Variants in SUGCT observed in about 807,000 individuals in gnomAD.
SUGCT encodes succinyl-CoA:glutarate CoA-transferase.
In SUGCT, 41 loss-of-function variants were observed where a neutral mutation model predicts 55.0. The observed-to-expected ratio is 0.74, with a 90% confidence interval of 0.58 to 0.97. The LOEUF (loss-of-function observed/expected upper bound fraction) is 0.97. SUGCT is among the 50% of genes least tolerant of loss of function. The pLI, the probability that SUGCT is intolerant of heterozygous loss-of-function variation, is 0.00. For missense variants in SUGCT, 568 were observed against 547.8 expected, an observed-to-expected ratio of 1.04 and a Z score of -0.37; for synonymous variants, 187 against 200.4, an observed-to-expected ratio of 0.93 and a Z score of 0.56.
At chr7:40,391,193 G>C (rs77024938) in intron 9 of SUGCT, among the ~76,000 whole-genome samples, 19,708 of 151,880 alleles carry the variant, frequency 0.13, 1,638 homozygotes, top group East Asian at 0.48. Context: ...AGAAGAAAAC[G>C]TAGGCAATAC....
At chr7:40,435,735 G>A (rs1247196083) in intron 9 of SUGCT, among the ~76,000 whole-genome samples, 1 of 151,994 alleles carries the variant, frequency 6.6e-6, no homozygotes, top group Admixed American at 6.6e-5. Context: ...GTCCCTCCAC[G>A]CTTTGCCTTG....
At chr7:40,241,536 A>G (rs1209478176) in intron 7 of SUGCT, among the ~76,000 whole-genome samples, 1 of 151,084 alleles carries the variant, frequency 6.6e-6, no homozygotes, top group Non-Finnish European at 1.5e-5. Context: ...CCAAGATTGC[A>G]CCACTGCCCT....
At chr7:40,270,293 T>C (rs1791923152) in intron 7 of SUGCT, among the ~76,000 whole-genome samples, 1 of 152,172 alleles carries the variant, frequency 6.6e-6, no homozygotes, top group African/African-American at 2.4e-5. Flanking sequence ...TTATTTTTTC[T>C]TTTGTTGCTA....
At chr7:40,243,351 G>A (rs549839288) in intron 7 of SUGCT, among the ~76,000 whole-genome samples, 3 of 151,950 alleles carry the variant, frequency 2.0e-5, no homozygotes, top group Admixed American at 6.6e-5. Context: ...GTTGTATTAG[G>A]TACCATAATA....
At chr7:40,212,466 A>G (rs1383109354) in intron 6 of SUGCT, among the ~76,000 whole-genome samples, 2 of 152,104 alleles carry the variant, frequency 1.3e-5, no homozygotes, top group Non-Finnish European at 2.9e-5. Context: ...GTATGGCCAC[A>G]TTATATATAA....
At chr7:40,150,565 G>A (rs569478111) in intron 1 of SUGCT, among the ~76,000 whole-genome samples, 7 of 152,170 alleles carry the variant, frequency 4.6e-5, no homozygotes, top group South Asian at 2.1e-4. Flanking sequence ...CCAGCTACTC[G>A]GGAGGCTGAG....
chr7:40,171,994 C>A (rs1410138276), intron 1 of SUGCT, among the ~76,000 whole-genome samples: 1 of 152,094 alleles, frequency 6.6e-6, no homozygotes, highest in Admixed American at 6.6e-5. Flanking sequence ...CTCTCTCTTT[C>A]CCTTTTCTCT....
chr7:40,228,442 AT>A (rs1788517734), intron 6 of SUGCT, among the ~76,000 whole-genome samples: 1 of 151,842 alleles, frequency 6.6e-6, no homozygotes, highest in Admixed American at 6.6e-5. Context: ...AATTCCTGTG[AT>A]GTTAATTTTT....
At chr7:40,923,363 C>A in the SUGCT span, among the ~76,000 whole-genome samples, 957 of 152,198 alleles carry the variant, frequency 6.3e-3, 11 homozygotes, top group African/African-American at 0.022. Flanking sequence ...AAAACAAGGG[C>A]ATTTAGCAGT....
chr7:40,614,913 G>A (rs955210621), intron 12 of SUGCT, among the ~76,000 whole-genome samples: 8 of 151,882 alleles, frequency 5.3e-5, no homozygotes, highest in South Asian at 2.1e-4. Context: ...AAAAATAGCC[G>A]GGCATGGTAG....
intron 9 of SUGCT, among the ~76,000 whole-genome samples, chr7:40,384,304 A>G (rs1350293790): frequency 1.3e-5 from 2 of 152,224 alleles, no homozygotes; most frequent in South Asian, 2.1e-4. Context: ...GGGAGTAAGT[A>G]TGATGCTCAA....
intron 9 of SUGCT, among the ~76,000 whole-genome samples, chr7:40,392,161 A>C (rs4609099): frequency 0.96 from 145,518 of 152,178 alleles, 69,908 homozygotes; most frequent in East Asian, 1. Flanking sequence ...GGAGGGATAG[A>C]ATTAGGAGAT....
the SUGCT span, among the ~76,000 whole-genome samples, chr7:40,995,382 GTTATTATTA>G: frequency 3.4e-5 from 5 of 145,582 alleles, no homozygotes; most frequent in African/African-American, 1.3e-4. Flanking sequence ...TATAATAGCT[GTTATTATTA>G]TTATTATTAT....
chr7:41,018,152 A>G, the SUGCT span, among the ~76,000 whole-genome samples: 1 of 152,036 alleles, frequency 6.6e-6, no homozygotes, highest in Admixed American at 6.6e-5. Context: ...GGGGACAGAC[A>G]GACACAGTCT....
chr7:40,640,990 T>A (rs1400998711), intron 12 of SUGCT, among the ~76,000 whole-genome samples: 2 of 152,184 alleles, frequency 1.3e-5, no homozygotes, highest in Non-Finnish European at 2.9e-5. Flanking sequence ...TATTGGAGAC[T>A]TTTTTGCATC....
intron 12 of SUGCT, among the ~76,000 whole-genome samples, chr7:40,660,816 TA>T (rs1801266682): frequency 6.6e-6 from 1 of 152,200 alleles, no homozygotes; most frequent in South Asian, 2.1e-4. Context: ...ACTCTCCCAC[TA>T]ATCTACAGCT....
intron 9 of SUGCT, among the ~76,000 whole-genome samples, chr7:40,445,712 C>T (rs1788794159): frequency 6.6e-6 from 1 of 152,128 alleles, no homozygotes; most frequent in South Asian, 2.1e-4. Context: ...AATTTTAGAC[C>T]AATATCCATG....
chr7:40,482,984 G>T (rs1228539462), intron 11 of SUGCT, among the ~76,000 whole-genome samples: 1 of 152,136 alleles, frequency 6.6e-6, no homozygotes, highest in African/African-American at 2.4e-5. Flanking sequence ...GCTCATAAAT[G>T]CTAGGGGGAG....
intron 11 of SUGCT, among the ~76,000 whole-genome samples, chr7:40,483,945 C>G (rs1212770566): frequency 6.6e-6 from 1 of 152,152 alleles, no homozygotes; most frequent in Non-Finnish European, 1.5e-5. Flanking sequence ...TAGTTTCTGA[C>G]TGAGAGGCTC....
Sources: allele counts gnomAD v4.1 joint callset (sites outside exome capture counted in the v4.1 genomes callset), GRCh38; gene constraint gnomAD v4.1.1; transcripts MANE v1.5; gene names NCBI Gene and HGNC (gene_info 2026-07-23, HGNC 2026-07-21).